NPAS3: variants seen among roughly 807,000 people sequenced by gnomAD.
The protein encoded by NPAS3 is neuronal PAS domain-containing protein 3.
In NPAS3, 14 loss-of-function variants were observed where a neutral mutation model predicts 73.1. That is an observed-to-expected ratio of 0.19 (90% CI 0.13 to 0.30). The LOEUF (loss-of-function observed/expected upper bound fraction) is 0.30. Ranked by LOEUF, NPAS3 falls within the 10% of genes least tolerant of loss-of-function variation. The probability of loss-of-function intolerance (pLI) is 1.00; values close to 1 mark genes in which losing one functional copy is unlikely to be tolerated. For missense variants in NPAS3, 1,096 were observed against 1,250.0 expected (o/e 0.88, Z 1.86); for synonymous variants, 620 against 541.5 (o/e 1.14, Z -2.01).
At position 33,250,377 on chromosome 14, in the gene NPAS3, T is replaced by G. The variant is rs549729117; in HGVS notation, c.385+34951T>G. 2.6e-5 allele frequency among the ~76,000 whole-genome samples: 4 copies of G among 152,226 alleles called. No individual in the cohort carries two copies. The South Asian group carries it at 8.3e-4, about 32-fold the overall frequency. On this transcript the variant is annotated intron_variant, in intron 3 of 11. Transcript: ENST00000356141. ...CTCTGTGGTAACTCTAAGTAATTGATATACAGACAAGGTTTGGTTCCAATT... is the reference window on the plus strand; with the variant it reads ...CTCTGTGGTAACTCTAAGTAATTGAGATACAGACAAGGTTTGGTTCCAATT...
At chr14:33,653,967 GAA>G (rs2059072780) in intron 5 of NPAS3, among the ~76,000 whole-genome samples, 1 of 152,272 alleles carries the variant, frequency 6.6e-6, no homozygotes, top group Admixed American at 6.5e-5. Flanking sequence ...TCACAAAAGA[GAA>G]AGTCTCCCCA....
At chr14:33,128,052 A>G (rs1397565313) in intron 2 of NPAS3, among the ~76,000 whole-genome samples, 1 of 152,166 alleles carries the variant, frequency 6.6e-6, no homozygotes, top group African/African-American at 2.4e-5. Flanking sequence ...TTTTCTTTCA[A>G]TTCTCTGAGA....
intron 3 of NPAS3, among the ~76,000 whole-genome samples, chr14:33,344,378 A>C (rs1463116199): frequency 6.6e-6 from 1 of 152,180 alleles, no homozygotes; most frequent in Non-Finnish European, 1.5e-5. Flanking sequence ...TGACATCCAT[A>C]TTTTGACATT....
chr14:33,635,278 G>C (rs565167273), intron 5 of NPAS3, among the ~76,000 whole-genome samples: 135 of 152,318 alleles, frequency 8.9e-4, no homozygotes, highest in Non-Finnish European at 1.7e-3. Context: ...GGAGATTCTG[G>C]CTAGCAGTTT....
Position 33,517,885 on chromosome 14 carries a change from G to C in NPAS3, c.469-42236G>C, listed in dbSNP as rs113761738. On this transcript the variant is annotated intron_variant, in intron 4 of 11. Transcript: ENST00000356141. ...GCACCTGGCATGCAATAGGTGCTCA[G>C]TAAATGAGTAACATATTGAACAAAT... Among the ~76,000 whole-genome samples, 276 of 152,140 alleles carry C rather than the reference G, an allele frequency of 1.8e-3. 2 individuals carry two copies. The highest frequency in any genetic ancestry group is 6.3e-3 in the African/African-American group (263 of 41,524).
intron 2 of NPAS3, among the ~76,000 whole-genome samples, chr14:33,106,539 G>A (rs1241804608): frequency 6.6e-6 from 1 of 152,148 alleles, no homozygotes; most frequent in East Asian, 1.9e-4. Context: ...TCCCAACAAA[G>A]TGGTTGACTA....
intron 1 of NPAS3, among the ~76,000 whole-genome samples, chr14:32,984,650 G>A (rs1168151164): frequency 6.6e-6 from 1 of 152,110 alleles, no homozygotes; most frequent in Non-Finnish European, 1.5e-5. Context: ...CATTGAGATA[G>A]CAGGAATACT....
chr14:33,182,291 ATAG>A (rs1206640792), intron 2 of NPAS3, among the ~76,000 whole-genome samples: 2 of 152,246 alleles, frequency 1.3e-5, no homozygotes, highest in South Asian at 2.1e-4. Context: ...TTCAACAAAC[ATAG>A]TAGTATGAAA....
intron 4 of NPAS3, among the ~76,000 whole-genome samples, chr14:33,454,964 G>A (rs8016929): frequency 0.15 from 23,369 of 152,128 alleles, 2,445 homozygotes; most frequent in African/African-American, 0.3. Flanking sequence ...GCTGGAGCAA[G>A]ACCTGAGTCT....
intron 2 of NPAS3, among the ~76,000 whole-genome samples, 200 bp downstream of exon 2, chr14:33,056,194 A>G (rs2138536012): frequency 6.6e-6 from 1 of 152,342 alleles, no homozygotes; most frequent in Non-Finnish European, 1.5e-5. Context: ...AAGACAGAAA[A>G]AAAATGTTTA....
chr14:33,060,847 C>T (rs2041071633), intron 2 of NPAS3, among the ~76,000 whole-genome samples: 2 of 152,190 alleles, frequency 1.3e-5, no homozygotes, highest in South Asian at 4.1e-4. Flanking sequence ...TAATTTCAGA[C>T]ACCATGACAG....
chr14:33,725,936 C>G (rs1319435259), intron 6 of NPAS3, among the ~76,000 whole-genome samples: 1 of 152,118 alleles, frequency 6.6e-6, no homozygotes, highest in Non-Finnish European at 1.5e-5. Flanking sequence ...TTGTTCAGAA[C>G]CATTTCTGTC....
chr14:33,378,006 A>C (rs2046380969), intron 4 of NPAS3, among the ~76,000 whole-genome samples: 1 of 152,206 alleles, frequency 6.6e-6, no homozygotes. Flanking sequence ...AACATAGTTC[A>C]ATGTAACATA....
At chr14:33,310,976 C>T (rs926781499) in intron 3 of NPAS3, among the ~76,000 whole-genome samples, 1 of 152,122 alleles carries the variant, frequency 6.6e-6, no homozygotes, top group Non-Finnish European at 1.5e-5. Context: ...AGATTTTGAA[C>T]TCACTGATGA....
chr14:33,168,939 G>A (rs1296258439), intron 2 of NPAS3, among the ~76,000 whole-genome samples: 2 of 152,212 alleles, frequency 1.3e-5, no homozygotes, highest in African/African-American at 2.4e-5. Context: ...ATTGTAATAT[G>A]AGAAGTTTTT....
chr14:33,173,528 T>C (rs1595606266), intron 2 of NPAS3, among the ~76,000 whole-genome samples: 1 of 152,314 alleles, frequency 6.6e-6, no homozygotes, highest in Non-Finnish European at 1.5e-5. Flanking sequence ...AAAAACTTTC[T>C]GTTTATGCAA....
At chr14:33,134,295 A>G (rs1432274546) in intron 2 of NPAS3, among the ~76,000 whole-genome samples, 1 of 151,360 alleles carries the variant, frequency 6.6e-6, no homozygotes, top group Non-Finnish European at 1.5e-5. Context: ...TGACCTCTTT[A>G]TGAATGCAGT....
At chr14:33,313,383 C>T (rs1242605972) in intron 3 of NPAS3, among the ~76,000 whole-genome samples, 1 of 151,948 alleles carries the variant, frequency 6.6e-6, no homozygotes, top group Non-Finnish European at 1.5e-5. Flanking sequence ...CTAAAGTGAT[C>T]CTCTAAGAGA....
chr14:33,509,804 C>T (rs886350320), intron 4 of NPAS3, among the ~76,000 whole-genome samples: 1 of 152,004 alleles, frequency 6.6e-6, no homozygotes, highest in African/African-American at 2.4e-5. Context: ...ACTCTTTAGT[C>T]CATAGAGCCT....
Sources: allele counts gnomAD v4.1 joint callset (sites outside exome capture counted in the v4.1 genomes callset), GRCh38; gene constraint gnomAD v4.1.1; transcripts MANE v1.5; gene names NCBI Gene and HGNC (gene_info 2026-07-23, HGNC 2026-07-21).